The following QRFPR variants were observed in gnomAD, a reference collection of about 807,000 sequenced individuals.
The protein encoded by QRFPR is pyroglutamylated RFamide peptide receptor, also known as pyroglutamylated RF-amide peptide receptor.
QRFPR carries 37 observed loss-of-function variants against 31.3 expected under a neutral mutation model. The ratio of observed to expected loss-of-function variants is 1.18; its 90% CI spans 0.91 to 1.56. QRFPR has a LOEUF of 1.56. QRFPR is among the 40% of genes most tolerant of loss of function. The pLI, the probability that QRFPR is intolerant of heterozygous loss-of-function variation, is 0.00. For synonymous variants in QRFPR, 197 were observed against 192.0 expected, an observed-to-expected ratio of 1.03 and a Z score of -0.22; for missense variants, 542 against 532.5, an observed-to-expected ratio of 1.02 and a Z score of -0.18.
chr4:121,346,021 G>T lies in QRFPR; in HGVS notation c.341-5411C>A, dbSNP rs553311568. 3.3e-5 allele frequency among the ~76,000 whole-genome samples: 5 copies of T among 152,058 alleles called. No individual in the cohort carries two copies. In the South Asian group the frequency reaches 1.0e-3, roughly 32 times the overall value. Reference sequence around the variant, plus strand: ...ATTAATTTAGAAAATAGTATAATGAGGTATAATTGCATGAAAGTATCTAAT... The same window carrying T: ...ATTAATTTAGAAAATAGTATAATGATGTATAATTGCATGAAAGTATCTAAT... On this transcript the variant is annotated intron_variant, in intron 1 of 5. Coordinates refer to ENST00000394427, the MANE Select transcript of QRFPR (RefSeq NM_198179.3).
In QRFPR at chr4:121,357,037, T is replaced by C. The variant is rs566189313; in HGVS notation, c.341-16427A>G. ...TAAATAAAGAGTTACTCTATACTAA[T>C]GCACAGGGTGTTTGTATTAGTTTCC... On this transcript the variant is annotated intron_variant, in intron 1 of 5. Coordinates refer to ENST00000394427, the MANE Select transcript of QRFPR (RefSeq NM_198179.3). Among the ~76,000 whole-genome samples, 15 of 152,256 alleles carry C rather than the reference T, an allele frequency of 9.9e-5. No homozygotes were observed. In the South Asian group the frequency reaches 3.1e-3, roughly 32 times the overall value.
At chr4:121,380,186 G>GGAGAGAGAGGGGGA (rs1553948896) in intron 1 of QRFPR, 122 bp downstream of exon 1, 39 of 236,458 alleles carry the variant, frequency 1.6e-4, no homozygotes, top group Non-Finnish European at 3.7e-5. Flanking sequence ...AGACGAGAGA[G>GGAGAGAGAGGGGGA]GAGAGAGAGA....
At chr4:121,355,728 A>T (rs1303485744) in intron 1 of QRFPR, among the ~76,000 whole-genome samples, 1 of 151,800 alleles carries the variant, frequency 6.6e-6, no homozygotes, top group South Asian at 2.1e-4. Flanking sequence ...ACTACTTTTG[A>T]TATATCCCGT....
chr4:121,352,743 T>C (rs1725787706), intron 1 of QRFPR, among the ~76,000 whole-genome samples: 1 of 152,048 alleles, frequency 6.6e-6, no homozygotes, highest in South Asian at 2.1e-4. Flanking sequence ...ATTCCACTCT[T>C]TTCGTTATTT....
intron 1 of QRFPR, chr4:121,369,600 G>A (rs1726194640): frequency 6.2e-6 from 10 of 1,611,144 alleles, no homozygotes; most frequent in Non-Finnish European, 8.5e-6. Context: ...ATTGGAGAGG[G>A]CTTCTGGGCT....
At chr4:121,336,577 A>G (rs1725441219) in intron 3 of QRFPR, among the ~76,000 whole-genome samples, 1 of 152,218 alleles carries the variant, frequency 6.6e-6, no homozygotes, top group African/African-American at 2.4e-5. Flanking sequence ...TGTATTTTTG[A>G]AAAATTGTAT....
chr4:121,369,543 C>A, intron 1 of QRFPR: 1 of 1,602,194 alleles, frequency 6.2e-7, no homozygotes, highest in Non-Finnish European at 8.5e-7. Context: ...GGCTTCAAGG[C>A]TGCTGGATCT....
rs756819755 is a variant in QRFPR at position 121,329,467 on chromosome 4, A to G, written c.1143T>C (p.Asn381=). The G allele has an allele frequency of 6.2e-7, 1 of 1,614,132 alleles. No homozygotes were observed. Among genetic ancestry groups the G allele is most frequent in the South Asian group, 1.1e-5 (1 of 91,080 alleles). The change falls in exon 6 of 6, where the codon AAT becomes AAC. Residue 381 remains asparagine, a synonymous_variant. Transcript: ENST00000394427. The part of the protein sequence containing the change: ...RKKAKFSLRE[N]PVEETKGEAF... ...CTTCTCCTTTGGTTTCCTCCACTGG[A>G]TTCTCTCTGAGGGAAAACTTTGCTT...
At chr4:121,364,179 C>T (rs1453901908) in intron 1 of QRFPR, among the ~76,000 whole-genome samples, 3 of 149,644 alleles carry the variant, frequency 2.0e-5, no homozygotes, top group Non-Finnish European at 3.0e-5. Flanking sequence ...AACATCATGC[C>T]TACAGTCCAG....
At position 121,370,086 on chromosome 4, in the gene QRFPR, G is replaced by A; in HGVS notation, c.340+10222C>T. 3.9e-6 allele frequency: 3 copies of A among 771,886 alleles called. No individual in the cohort carries two copies. The South Asian group carries it at 4.0e-5, about 10-fold the overall frequency. 47.8% of individuals were successfully genotyped at this position (771,886 alleles called of 1,614,324 possible). A position where few individuals can be genotyped will look rare whatever the true frequency, so the allele number is the denominator to read the frequency against. The stretch of plus-strand genomic sequence containing the variant: ...CTGGGAGCTTGTCCACACTGTCAAT[G>A]GCCGATGACAGGGACTGGCAGGGGA... On this transcript the variant is annotated intron_variant, in intron 1 of 5. Coordinates refer to ENST00000394427, the MANE Select transcript of QRFPR (RefSeq NM_198179.3).
At chr4:121,372,116 A>G (rs1726258811) in intron 1 of QRFPR, among the ~76,000 whole-genome samples, 2 of 152,178 alleles carry the variant, frequency 1.3e-5, no homozygotes, top group Admixed American at 1.3e-4. Flanking sequence ...GAAGTCTTAC[A>G]CTCAACGGAA....
chr4:121,340,391 TTCTC>T (rs752425771), intron 2 of QRFPR, 57 bp downstream of exon 2: 1 of 1,560,788 alleles, frequency 6.4e-7, no homozygotes, highest in South Asian at 1.1e-5. Flanking sequence ...AAAAATATGG[TTCTC>T]TATTCTGTAA....
At chr4:121,330,587 C>CTTTGCT in intron 4 of QRFPR, 64 bp from the exon 5 acceptor site, 1 of 1,206,290 alleles carries the variant, frequency 8.3e-7, no homozygotes, top group Non-Finnish European at 1.2e-6. Context: ...AGCTTGATAG[C>CTTTGCT]AAAGCTATTA....
chr4:121,329,280 C>A lies in QRFPR; in HGVS notation c.*34G>T. The A allele has an allele frequency of 6.7e-7, 1 of 1,494,970 alleles. No homozygotes were observed. The highest frequency in any genetic ancestry group is 9.1e-7 in the Non-Finnish European group (1 of 1,103,288). The allele number at this position is 1,494,970 out of a possible 1,614,324, so 92.6% of individuals were successfully genotyped here. A position where few individuals can be genotyped will look rare whatever the true frequency, so the allele number is the denominator to read the frequency against. Reference sequence around the variant, plus strand: ...AATAATTTTCTCTTTGGGTTACAATCTGAAGGGCATTAATTATGAAGATAT... The same window carrying A: ...AATAATTTTCTCTTTGGGTTACAATATGAAGGGCATTAATTATGAAGATAT... On this transcript the variant is annotated 3_prime_UTR_variant, in exon 6 of 6. Transcript: ENST00000394427.
chr4:121,354,400 A>G (rs1188034157), intron 1 of QRFPR, among the ~76,000 whole-genome samples: 1 of 151,782 alleles, frequency 6.6e-6, no homozygotes, highest in East Asian at 1.9e-4. Context: ...CCAACTTTTT[A>G]TAGTTTTCAT....
intron 1 of QRFPR, among the ~76,000 whole-genome samples, chr4:121,373,598 T>TC (rs1176361605): frequency 6.6e-6 from 1 of 152,242 alleles, no homozygotes; most frequent in Non-Finnish European, 1.5e-5. Flanking sequence ...TATGTAAATT[T>TC]CCCCAAGAAC....
At chr4:121,337,591 A>C (rs954887676) in intron 2 of QRFPR, among the ~76,000 whole-genome samples, 1 of 152,106 alleles carries the variant, frequency 6.6e-6, no homozygotes, top group Non-Finnish European at 1.5e-5. Flanking sequence ...CATGACATAG[A>C]CCACTCTCTG....
intron 1 of QRFPR, among the ~76,000 whole-genome samples, chr4:121,365,800 T>C (rs1363517411): frequency 1.4e-5 from 2 of 140,482 alleles, no homozygotes; most frequent in African/African-American, 2.7e-5. Flanking sequence ...TTATTGTTTG[T>C]AGACATTACA....
At chr4:121,344,190 A>G (rs536875134) in intron 1 of QRFPR, among the ~76,000 whole-genome samples, 1 of 152,352 alleles carries the variant, frequency 6.6e-6, no homozygotes, top group East Asian at 1.9e-4. Flanking sequence ...TCCCAGAGAA[A>G]GACACTGCAG....
Sources: gnomAD v4.1 joint callset for allele counts (sites outside exome capture counted in the v4.1 genomes callset) on GRCh38, gnomAD v4.1.1 for gene constraint, MANE v1.5 for transcripts, NCBI Gene and HGNC (gene_info 2026-07-23, HGNC 2026-07-21) for gene names.